RPS6KA1: variants seen among roughly 807,000 people sequenced by gnomAD.
RPS6KA1 encodes ribosomal protein S6 kinase alpha-1.
RPS6KA1 carries 48 observed loss-of-function variants against 91.3 expected under a neutral mutation model. That is an observed-to-expected ratio of 0.53 (90% CI 0.42 to 0.67). The LOEUF (loss-of-function observed/expected upper bound fraction) is 0.67. Ranked by LOEUF, RPS6KA1 falls within the 30% of genes least tolerant of loss-of-function variation. RPS6KA1 has a pLI of 0.00. For missense variants in RPS6KA1, 719 were observed against 960.5 expected (o/e 0.75, Z 3.32); for synonymous variants, 359 against 384.7 (o/e 0.93, Z 0.78).
intron 17 of RPS6KA1, among the ~76,000 whole-genome samples, chr1:26,569,156 C>T (rs1478740808): frequency 3.4e-5 from 5 of 145,152 alleles, no homozygotes; most frequent in South Asian, 2.3e-4. Flanking sequence ...GTGCTGCTGG[C>T]GAGACTCCAT....
chr1:26,538,112 G>A (rs1193187345), intron 2 of RPS6KA1, among the ~76,000 whole-genome samples: 1 of 152,194 alleles, frequency 6.6e-6, no homozygotes, highest in Admixed American at 6.5e-5. Context: ...GATAGGGCAG[G>A]TGAGGGAAGT....
Position 26,529,789 on chromosome 1 carries a change from G to A in RPS6KA1, c.-132G>A. The A allele has an allele frequency of 1.8e-6, 1 of 555,420 alleles. No homozygotes were observed. The highest frequency in any genetic ancestry group is 5.2e-5 in the East Asian group (1 of 19,098). The allele number at this position is 555,420 out of a possible 1,614,324, so 34.4% of individuals were successfully genotyped here. A position where few individuals can be genotyped will look rare whatever the true frequency, so the allele number is the denominator to read the frequency against. On this transcript the variant is annotated 5_prime_UTR_variant, in exon 1 of 22. Coordinates refer to ENST00000374168, the MANE Select transcript of RPS6KA1 (RefSeq NM_002953.4). This position sits in a 1 kb window ranked among gnomAD's most constrained non-coding sequence, Gnocchi z 4.2. ...GTGCTAGTGCCGCGGCGGCGGCGGC[G>A]GACGGCCCAGCCGGAGCGCGAGGGG...
At chr1:26,560,641 C>T (rs188862591) in intron 14 of RPS6KA1, 85 bp from the exon 15 acceptor site, 4 of 1,564,882 alleles carry the variant, frequency 2.6e-6, no homozygotes, top group East Asian at 2.2e-5. Flanking sequence ...GGTGCTGTCT[C>T]TACTGAGCCA....
In RPS6KA1 at chr1:26,547,088, G is replaced by A; in HGVS notation, c.226-101G>A. 1 of 1,530,746 alleles carries A rather than the reference G, an allele frequency of 6.5e-7. No individual in the cohort carries two copies. The highest frequency in any genetic ancestry group is 9.0e-7 in the Non-Finnish European group (1 of 1,105,660). The allele number at this position is 1,530,746 out of a possible 1,614,324, so 94.8% of individuals were successfully genotyped here. A position where few individuals can be genotyped will look rare whatever the true frequency, so the allele number is the denominator to read the frequency against. ...GGATCAGAGGTCACCTTGGTACCCA[G>A]GGAGAGCAAAAAGGTCAGCTTGGGG... On this transcript the variant is annotated intron_variant, in intron 3 of 21. Coordinates refer to ENST00000374168, the MANE Select transcript of RPS6KA1 (RefSeq NM_002953.4). This position sits in a 1 kb window ranked among gnomAD's most constrained non-coding sequence, Gnocchi z 4.1.
rs191656682 is a variant in RPS6KA1, at chr1:26,559,187, G to C, written c.1215+250G>C. Among the ~76,000 whole-genome samples the C allele has an allele frequency of 4.3e-3, 651 of 152,314 alleles. 5 individuals are homozygous for C. The highest frequency in any genetic ancestry group is 0.015 in the African/African-American group (624 of 41,564). ...CATGTCAGGAGGTGCCCAGGGTGGT[G>C]GTGCCGAGTGACTGTCGTGTCTCCG... On this transcript the variant is annotated intron_variant, in intron 14 of 21. Coordinates refer to ENST00000374168, the MANE Select transcript of RPS6KA1 (RefSeq NM_002953.4).
chr1:26,551,774 C>A lies in RPS6KA1; in HGVS notation c.468+51C>A. On this transcript the variant is annotated intron_variant, in intron 6 of 21. Transcript: ENST00000374168. The surrounding 1 kb of genome is among the most constrained non-coding windows in gnomAD (Gnocchi z 4.5). ...GCCCCGGGATGGAGCTGAGGGACGA[C>A]AAGTCCTCCCATCCCAGGGCCCTGT... The A allele has an allele frequency of 6.9e-7, 1 of 1,455,168 alleles. No homozygotes were observed. Among genetic ancestry groups the A allele is most frequent in the Non-Finnish European group, 9.7e-7 (1 of 1,035,380 alleles). 90.1% of individuals were successfully genotyped at this position (1,455,168 alleles called of 1,614,324 possible). A position where few individuals can be genotyped will look rare whatever the true frequency, so the allele number is the denominator to read the frequency against.
chr1:26,551,565 C>T lies in RPS6KA1; in HGVS notation c.389-79C>T, dbSNP rs1405679589. ...GTACACTGTCCCACCGCCTGCCTGG[C>T]AGGCCAAGGGAGCCAGGGCCGGAGA... On this transcript the variant is annotated intron_variant, in intron 5 of 21. Transcript: ENST00000374168. The surrounding 1 kb of genome is among the most constrained non-coding windows in gnomAD (Gnocchi z 4.5). The T allele has an allele frequency of 1.3e-6, 2 of 1,598,010 alleles. No individual in the cohort carries two copies. Among genetic ancestry groups the T allele is most frequent in the Admixed American group, 3.3e-5 (2 of 59,986 alleles).
In RPS6KA1 at chr1:26,554,264, C is replaced by T. The variant is rs928058030; in HGVS notation, c.613+13C>T. On this transcript the variant is annotated intron_variant, in intron 8 of 21. Coordinates refer to ENST00000374168, the MANE Select transcript of RPS6KA1 (RefSeq NM_002953.4). This position sits in a 1 kb window ranked among gnomAD's most constrained non-coding sequence, Gnocchi z 4.6. ...ATCAAACTCACTGGTGAGTGGAGGG[C>T]GCCTGCCCCCTCGGGACCCAGGGGA... 9.6e-6 allele frequency: 15 copies of T among 1,556,336 alleles called. No homozygotes were observed. Among genetic ancestry groups the T allele is most frequent in the African/African-American group, 6.8e-5 (5 of 73,364 alleles).
Position 26,554,509 on chromosome 1 carries a change from C to T in RPS6KA1, c.614-87C>T. 1 of 1,522,774 alleles carries T rather than the reference C, an allele frequency of 6.6e-7. No homozygotes were observed. The highest frequency in any genetic ancestry group is 1.3e-5 in the South Asian group (1 of 79,076). The allele number at this position is 1,522,774 out of a possible 1,614,324, so 94.3% of individuals were successfully genotyped here. A position where few individuals can be genotyped will look rare whatever the true frequency, so the allele number is the denominator to read the frequency against. ...TGTCATGGGGGTGATGCCTTCTGGC[C>T]TCTGGGCACGGGGGTTGGGTGTGCA... On this transcript the variant is annotated intron_variant, in intron 8 of 21. Coordinates refer to ENST00000374168, the MANE Select transcript of RPS6KA1 (RefSeq NM_002953.4). The surrounding 1 kb of genome is among the most constrained non-coding windows in gnomAD (Gnocchi z 4.6).
At position 26,561,394 on chromosome 1, in the gene RPS6KA1, C is replaced by A; in HGVS notation, c.1432-111C>A. ...GAAGGCAGGACCACTGAAGAGCAAG[C>A]AGAACACCTGCCCAAGGCTCATGTC... On this transcript the variant is annotated intron_variant, in intron 16 of 21. Coordinates refer to ENST00000374168, the MANE Select transcript of RPS6KA1 (RefSeq NM_002953.4). The surrounding 1 kb of genome is among the most constrained non-coding windows in gnomAD (Gnocchi z 5.7). 1.4e-6 allele frequency: 2 copies of A among 1,398,520 alleles called. No individual in the cohort carries two copies. Among genetic ancestry groups the A allele is most frequent in the Non-Finnish European group, 2.0e-6 (2 of 1,001,136 alleles). The allele number at this position is 1,398,520 out of a possible 1,614,324, so 86.6% of individuals were successfully genotyped here.
intron 2 of RPS6KA1, chr1:26,545,855 C>G (rs71640330): frequency 6.5e-7 from 1 of 1,529,752 alleles, no homozygotes; most frequent in East Asian, 2.5e-5. Context: ...GCGGCAGCCC[C>G]GGACTCTGCC....
chr1:26,561,455 G>A lies in RPS6KA1; in HGVS notation c.1432-50G>A, dbSNP rs760898117. Reference sequence around the variant, plus strand: ...GCTCTGGGGCGCTGCTGACCAGGGGGCTCAGGCCTGACACTGGGGAGAAGA... The same window carrying A: ...GCTCTGGGGCGCTGCTGACCAGGGGACTCAGGCCTGACACTGGGGAGAAGA... On this transcript the variant is annotated intron_variant, in intron 16 of 21. Transcript: ENST00000374168. This position sits in a 1 kb window ranked among gnomAD's most constrained non-coding sequence, Gnocchi z 5.7. The A allele has an allele frequency of 1.9e-6, 3 of 1,611,592 alleles. No homozygotes were observed. The highest frequency in any genetic ancestry group is 2.5e-6 in the Non-Finnish European group (3 of 1,177,930).
Position 26,558,366 on chromosome 1 carries a change from G to T in RPS6KA1, c.1085-441G>T, listed in dbSNP as rs1202438125. On this transcript the variant is annotated intron_variant, in intron 13 of 21. Coordinates refer to ENST00000374168, the MANE Select transcript of RPS6KA1 (RefSeq NM_002953.4). The surrounding 1 kb of genome is among the most constrained non-coding windows in gnomAD (Gnocchi z 4.0). Reference sequence around the variant, plus strand: ...GTGGTATGGAGAGAGAGGAGGTGAGGATCACAGGGCCCTCAATTGCCAGAC... The same window carrying T: ...GTGGTATGGAGAGAGAGGAGGTGAGTATCACAGGGCCCTCAATTGCCAGAC... Among the ~76,000 whole-genome samples, 1 of 152,166 alleles carries T rather than the reference G, an allele frequency of 6.6e-6. No homozygotes were observed. The highest frequency in any genetic ancestry group is 6.5e-5 in the Admixed American group (1 of 15,280).
rs192899332 is a variant in RPS6KA1, at chr1:26,539,610, G to A, written c.108+2641G>A. Among the ~76,000 whole-genome samples the A allele has an allele frequency of 2.6e-5, 4 of 152,326 alleles. No homozygotes were observed. The East Asian group carries it at 7.7e-4, about 29-fold the overall frequency. On this transcript the variant is annotated intron_variant, in intron 2 of 21. Transcript: ENST00000374168. ...TACATATAAATTAAAGTATCTAACA[G>A]GGCTTGTGGCACAATGTTGCTGTTT...
Position 26,555,429 on chromosome 1 carries a change from T to C in RPS6KA1, c.828-108T>C. 8.4e-7 allele frequency: 1 copy of C among 1,184,498 alleles called. No homozygotes were observed. Among genetic ancestry groups the C allele is most frequent in the Non-Finnish European group, 1.2e-6 (1 of 822,126 alleles). 73.4% of individuals were successfully genotyped at this position (1,184,498 alleles called of 1,614,324 possible). Reference sequence around the variant, plus strand: ...CTGAAGCCTTTGGGAAGTGAATTAGTGGATGGCTTGTCTAGACTGAGCTGG... The same window carrying C: ...CTGAAGCCTTTGGGAAGTGAATTAGCGGATGGCTTGTCTAGACTGAGCTGG... On this transcript the variant is annotated intron_variant, in intron 10 of 21. Coordinates refer to ENST00000374168, the MANE Select transcript of RPS6KA1 (RefSeq NM_002953.4). The surrounding 1 kb of genome is among the most constrained non-coding windows in gnomAD (Gnocchi z 4.3).
Position 26,536,924 on chromosome 1 carries a change from G to A in RPS6KA1, c.64-1G>A, listed in dbSNP as rs1454227926. 1.2e-6 allele frequency: 2 copies of A among 1,614,086 alleles called. No individual in the cohort carries two copies. Among genetic ancestry groups the A allele is most frequent in the Non-Finnish European group, 1.7e-6 (2 of 1,179,954 alleles). The stretch of plus-strand genomic sequence containing the variant: ...CCCCCAATCTCCTTTCTCTTTTCCA[G>A]AATGGACAGACCTCAGGGGAAGAAG... On this transcript the variant is annotated splice_acceptor_variant, in intron 1 of 21. Coordinates refer to ENST00000374168, the MANE Select transcript of RPS6KA1 (RefSeq NM_002953.4). LOFTEE classifies it high-confidence loss of function.
At chr1:26,569,950 C>T (rs568272577) in intron 17 of RPS6KA1, among the ~76,000 whole-genome samples, 1 of 152,058 alleles carries the variant, frequency 6.6e-6, no homozygotes, top group South Asian at 2.1e-4. Flanking sequence ...AGGTAGGGAG[C>T]CTTTGAAGGT....
chr1:26,544,144 G>C (rs768023743), intron 2 of RPS6KA1: 1 of 456,140 alleles, frequency 2.2e-6, no homozygotes, highest in African/African-American at 2.0e-5. Context: ...CTGCCTGCCC[G>C]TGTGTCTGCC....
intron 2 of RPS6KA1, chr1:26,545,831 TC>T (rs941201754): frequency 1.8e-5 from 26 of 1,465,698 alleles, no homozygotes; most frequent in Non-Finnish European, 2.2e-5. Context: ...TCCGCCTTGG[TC>T]CCGGCCACCA....
Sources: allele counts gnomAD v4.1 joint callset (sites outside exome capture counted in the v4.1 genomes callset), GRCh38; gene constraint gnomAD v4.1.1; non-coding constraint Gnocchi (gnomAD v3.1); transcripts MANE v1.5; gene names NCBI Gene and HGNC (gene_info 2026-07-23, HGNC 2026-07-21).